The following KLHL18 variants were observed in gnomAD, a reference collection of about 807,000 sequenced individuals.
KLHL18 encodes the protein kelch like family member 18.
KLHL18 carries 38 observed loss-of-function variants against 58.5 expected under a neutral mutation model. That is an observed-to-expected ratio of 0.65 (90% CI 0.50 to 0.85). The LOEUF is 0.85. Ranked by LOEUF, KLHL18 falls within the 40% of genes least tolerant of loss-of-function variation. KLHL18 has a pLI of 0.00. For synonymous variants in KLHL18, 303 were observed against 301.9 expected (o/e 1.00, Z -0.04); for missense variants, 624 against 778.4 (o/e 0.80, Z 2.36).
At chr3:47,343,395 G>T (rs1170741749) in intron 9 of KLHL18, among the ~76,000 whole-genome samples, 160 bp from the exon 10 acceptor site, 1 of 152,146 alleles carries the variant, frequency 6.6e-6, no homozygotes, top group African/African-American at 2.4e-5. Context: ...ATACACCAAA[G>T]AGCAGGCCTG....
At chr3:47,292,843 G>T (rs1702817735) in intron 1 of KLHL18, among the ~76,000 whole-genome samples, 2 of 151,052 alleles carry the variant, frequency 1.3e-5, no homozygotes, top group Non-Finnish European at 2.9e-5. Context: ...GGAGGTCAAG[G>T]CTGCAGTGAG....
intron 1 of KLHL18, among the ~76,000 whole-genome samples, chr3:47,313,381 C>T (rs1703350206): frequency 6.6e-6 from 1 of 152,030 alleles, no homozygotes; most frequent in Admixed American, 6.6e-5. Flanking sequence ...CTGCACCCAG[C>T]TAATTCATTT....
intron 4 of KLHL18, among the ~76,000 whole-genome samples, chr3:47,330,894 G>A (rs1703842024): frequency 6.6e-6 from 1 of 151,938 alleles, no homozygotes; most frequent in African/African-American, 2.4e-5. Context: ...ACCATGCCAG[G>A]CTAATTTTTA....
intron 2 of KLHL18, among the ~76,000 whole-genome samples, chr3:47,322,328 C>T (rs141076963): frequency 1.3e-3 from 203 of 152,168 alleles, no homozygotes; most frequent in Admixed American, 2.1e-3. Flanking sequence ...GAAAAATGAC[C>T]GCTGTTGACT....
At chr3:47,314,868 A>G (rs1703385322) in intron 1 of KLHL18, among the ~76,000 whole-genome samples, 1 of 152,162 alleles carries the variant, frequency 6.6e-6, no homozygotes, top group South Asian at 2.1e-4. Context: ...TTAGCTGAAT[A>G]CAGAACTCAA....
At chr3:47,319,063 TC>T (rs1703522249) in intron 1 of KLHL18, among the ~76,000 whole-genome samples, 1 of 152,254 alleles carries the variant, frequency 6.6e-6, no homozygotes, top group South Asian at 2.1e-4. Flanking sequence ...ATAGAATTCC[TC>T]AGGCTAAGGG....
Position 47,307,592 on chromosome 3 carries a change from G to A in KLHL18, c.130-12061G>A, listed in dbSNP as rs554437789. ...AAAAATAGAGACAAGGTCTTGCCAT[G>A]TTGCCCATGCCAATCCCAAACTCCT... On this transcript the variant is annotated intron_variant, in intron 1 of 9. Coordinates refer to ENST00000232766, the MANE Select transcript of KLHL18 (RefSeq NM_025010.5). Among the ~76,000 whole-genome samples the A allele has an allele frequency of 3.5e-5, 5 of 144,726 alleles. No individual in the cohort carries two copies. The East Asian group carries it at 8.0e-4, about 23-fold the overall frequency. The allele number at this position is 144,726 out of a possible 152,430, so 94.9% of individuals were successfully genotyped here.
At chr3:47,319,911 G>A (rs1310332135) in intron 2 of KLHL18, 128 bp downstream of exon 2, 1 of 1,002,478 alleles carries the variant, frequency 1.0e-6, no homozygotes, top group Non-Finnish European at 1.5e-6. Flanking sequence ...AATAATAAGT[G>A]ATTAATAAGC....
At chr3:47,291,605 T>C (rs932503492) in intron 1 of KLHL18, among the ~76,000 whole-genome samples, 3 of 152,210 alleles carry the variant, frequency 2.0e-5, no homozygotes, top group African/African-American at 7.2e-5. Flanking sequence ...CCAGTGAAAC[T>C]TTACAAAAGA....
At chr3:47,283,406 A>G (rs912364567) in intron 1 of KLHL18, 3 of 396,324 alleles carry the variant, frequency 7.6e-6, no homozygotes, top group Non-Finnish European at 1.4e-5. Context: ...CTTACCTTCT[A>G]TGGAGGCAGG....
At chr3:47,341,410 A>G (rs1704105924) in intron 8 of KLHL18, among the ~76,000 whole-genome samples, 1 of 152,204 alleles carries the variant, frequency 6.6e-6, no homozygotes, top group Non-Finnish European at 1.5e-5. Context: ...TAAAGCATCC[A>G]ATGTGGTTGG....
chr3:47,289,548 T>A (rs531794676), intron 1 of KLHL18, among the ~76,000 whole-genome samples: 1 of 152,212 alleles, frequency 6.6e-6, no homozygotes, highest in Non-Finnish European at 1.5e-5. Context: ...GGCTTGTTGA[T>A]GCATACCATT....
At chr3:47,342,451 G>T (rs900713132) in intron 8 of KLHL18, among the ~76,000 whole-genome samples, 1 of 152,254 alleles carries the variant, frequency 6.6e-6, no homozygotes, top group African/African-American at 2.4e-5. Context: ...GGCAGGGAGT[G>T]CAGGGAGGAG....
chr3:47,293,936 A>G (rs565495851), intron 1 of KLHL18, among the ~76,000 whole-genome samples: 22 of 152,308 alleles, frequency 1.4e-4, no homozygotes, highest in Admixed American at 1.2e-3. Context: ...TAGTAATTAC[A>G]TAACTATTTA....
intron 1 of KLHL18, among the ~76,000 whole-genome samples, chr3:47,294,719 C>G (rs1474093945): frequency 1.3e-5 from 2 of 152,070 alleles, no homozygotes; most frequent in East Asian, 3.9e-4. Flanking sequence ...ATGAATGAAA[C>G]CAATCAATAA....
At chr3:47,328,432 C>T (rs553228501) in intron 3 of KLHL18, among the ~76,000 whole-genome samples, 1 of 152,216 alleles carries the variant, frequency 6.6e-6, no homozygotes, top group East Asian at 1.9e-4. Flanking sequence ...TACCATGTAT[C>T]ATGGCTCAGC....
At chr3:47,343,038 C>T (rs1704143960) in intron 9 of KLHL18, among the ~76,000 whole-genome samples, 1 of 152,204 alleles carries the variant, frequency 6.6e-6, no homozygotes, top group Non-Finnish European at 1.5e-5. Context: ...AGGGTAGTCA[C>T]ATCTGCAGCC....
intron 1 of KLHL18, among the ~76,000 whole-genome samples, chr3:47,289,543 G>A (rs1425789777): frequency 6.6e-6 from 1 of 152,220 alleles, no homozygotes; most frequent in Non-Finnish European, 1.5e-5. Flanking sequence ...GTAAGGGCTT[G>A]TTGATGCATA....
chr3:47,300,280 C>T (rs997847175), intron 1 of KLHL18, among the ~76,000 whole-genome samples: 1 of 70,858 alleles, frequency 1.4e-5, no homozygotes, highest in Non-Finnish European at 3.5e-5. Flanking sequence ...GCATCCTCAC[C>T]GGCATTTTAT....
Sources: gnomAD v4.1 joint callset for allele counts (sites outside exome capture counted in the v4.1 genomes callset) on GRCh38, gnomAD v4.1.1 for gene constraint, MANE v1.5 for transcripts, NCBI Gene and HGNC (gene_info 2026-07-23, HGNC 2026-07-21) for gene names.